PTPRM: variants seen among roughly 807,000 people sequenced by gnomAD.
PTPRM encodes receptor-type tyrosine-protein phosphatase mu.
Under a neutral mutation model 186.7 loss-of-function variants are expected in PTPRM, and 47 were observed. The observed-to-expected ratio is 0.25, with a 90% CI of 0.20 to 0.32. PTPRM has a LOEUF of 0.32. Among genes scored for constraint, PTPRM ranks in the 10% least tolerant of loss-of-function variants. The pLI, the probability that PTPRM is intolerant of heterozygous loss-of-function variation, is 1.00. For missense variants in PTPRM, 1,494 were observed against 1,865.0 expected (o/e 0.80, Z 3.66); for synonymous variants, 668 against 674.9 (o/e 0.99, Z 0.16).
intron 4 of PTPRM, 98 bp from the exon 5 acceptor site, chr18:7,926,470 C>A: frequency 1.3e-6 from 1 of 742,506 alleles, no homozygotes; most frequent in Non-Finnish European, 2.0e-6. Flanking sequence ...CCAAGGTGAA[C>A]AAAATTGAAA....
intron 2 of PTPRM, among the ~76,000 whole-genome samples, chr18:7,870,284 A>G (rs955624168): frequency 3.9e-5 from 6 of 152,074 alleles, no homozygotes; most frequent in African/African-American, 1.5e-4. Flanking sequence ...TTATGCTCCT[A>G]ACTACCCCTG....
rs1340226983 is a variant in PTPRM at position 8,240,643 on chromosome 18, GAGAGAGAGAGAAAGAAAGAAAGAA to G, written c.2301-3411_2301-3388del. Among the ~76,000 whole-genome samples, 15 of 32,614 alleles carry G rather than the reference GAGAGAGAGAGAAAGAAAGAAAGAA, an allele frequency of 4.6e-4. 1 individual carries two copies. Among genetic ancestry groups the G allele is most frequent in the South Asian group, 1.7e-3 (3 of 1,734 alleles). 21.4% of individuals were successfully genotyped at this position (32,614 alleles called of 152,430 possible). On this transcript the variant is annotated intron_variant, in intron 14 of 32. Coordinates refer to ENST00000580170, the MANE Select transcript of PTPRM (RefSeq NM_001105244.2). The stretch of plus-strand genomic sequence containing the variant: ...GGAGAGAGAGAGAGAGAGAGAGAGA[GAGAGAGAGAGAAAGAAAGAAAGAA>G]AGAAAGAAAGAAAAAGAAAGAGAGA...
intron 7 of PTPRM, among the ~76,000 whole-genome samples, chr18:8,023,225 G>A (rs964021692): frequency 6.6e-6 from 1 of 152,170 alleles, no homozygotes; most frequent in African/African-American, 2.4e-5. Flanking sequence ...GAAAAGGGCT[G>A]ATGGCTGGGA....
chr18:8,125,989 A>T (rs1600705260), intron 13 of PTPRM, among the ~76,000 whole-genome samples: 1 of 6,326 alleles, frequency 1.6e-4, no homozygotes, highest in African/African-American at 4.1e-4. Context: ...ATATATATAT[A>T]TATATATATA....
intron 2 of PTPRM, among the ~76,000 whole-genome samples, chr18:7,811,131 C>A (rs770940011): frequency 6.6e-5 from 10 of 152,144 alleles, no homozygotes; most frequent in Admixed American, 1.3e-4. Flanking sequence ...AATAAGGTTT[C>A]ATGGAACAGT....
At chr18:8,176,876 C>G (rs1225923170) in intron 14 of PTPRM, among the ~76,000 whole-genome samples, 1 of 152,250 alleles carries the variant, frequency 6.6e-6, no homozygotes, top group Non-Finnish European at 1.5e-5. Flanking sequence ...ATATCCTTCA[C>G]TCTAGCTTGA....
chr18:7,864,140 G>C (rs970618175), intron 2 of PTPRM, among the ~76,000 whole-genome samples: 1 of 152,146 alleles, frequency 6.6e-6, no homozygotes, highest in Non-Finnish European at 1.5e-5. Context: ...CTTCCATTCT[G>C]TAGGTTGCCT....
intron 14 of PTPRM, among the ~76,000 whole-genome samples, chr18:8,200,152 A>G (rs538712212): frequency 5.3e-5 from 8 of 152,220 alleles, no homozygotes; most frequent in African/African-American, 1.9e-4. Context: ...ATAAACTTCT[A>G]CAGTTACAAG....
chr18:7,770,125 G>T (rs2144883014), intron 1 of PTPRM, among the ~76,000 whole-genome samples: 1 of 152,286 alleles, frequency 6.6e-6, no homozygotes, highest in East Asian at 1.9e-4. Flanking sequence ...GGAGTCTGTT[G>T]CTGACCATAC....
intron 1 of PTPRM, among the ~76,000 whole-genome samples, chr18:7,697,346 AG>A (rs773606258): frequency 2.6e-5 from 4 of 152,172 alleles, no homozygotes; most frequent in Admixed American, 6.5e-5. Context: ...CCTTCAGGAA[AG>A]TTCTCTTGAA....
At chr18:8,043,160 C>A (rs957700507) in intron 7 of PTPRM, among the ~76,000 whole-genome samples, 1 of 152,160 alleles carries the variant, frequency 6.6e-6, no homozygotes, top group Non-Finnish European at 1.5e-5. Flanking sequence ...CCTGTATAGC[C>A]TGTTTTATCT....
intron 7 of PTPRM, among the ~76,000 whole-genome samples, chr18:8,005,965 C>T (rs955456068): frequency 6.6e-6 from 1 of 152,130 alleles, no homozygotes; most frequent in African/African-American, 2.4e-5. Flanking sequence ...TGGAGCTCCA[C>T]GTGTTAAGCG....
chr18:8,099,565 TG>T (rs1194319499), intron 11 of PTPRM, among the ~76,000 whole-genome samples: 160 of 152,256 alleles, frequency 1.1e-3, no homozygotes, highest in African/African-American at 3.8e-3. Context: ...AACAGGCCAA[TG>T]TGTCTTCCGG....
intron 7 of PTPRM, among the ~76,000 whole-genome samples, chr18:7,973,989 G>T (rs1373286493): frequency 2.0e-5 from 3 of 151,722 alleles, no homozygotes; most frequent in African/African-American, 7.3e-5. Context: ...AGACTTGAGG[G>T]GAAGACTCCA....
intron 5 of PTPRM, among the ~76,000 whole-genome samples, chr18:7,930,075 C>G (rs562315934): frequency 1.3e-4 from 20 of 151,928 alleles, no homozygotes; most frequent in Non-Finnish European, 2.8e-4. Flanking sequence ...TAATCATTTA[C>G]AATATTTTTT....
rs1047700891 is a variant in PTPRM at position 7,808,837 on chromosome 18, G to A, written c.196+34566G>A. On this transcript the variant is annotated intron_variant, in intron 2 of 32. Transcript: ENST00000580170. Reference sequence around the variant, plus strand: ...AACTGTCTCCTGAGTTTCCTTCAATGTGTGACTCTAATATTCTATAATATT... The same window carrying A: ...AACTGTCTCCTGAGTTTCCTTCAATATGTGACTCTAATATTCTATAATATT... Among the ~76,000 whole-genome samples the A allele has an allele frequency of 2.6e-5, 4 of 152,140 alleles. No homozygotes were observed. In the East Asian group the frequency reaches 5.8e-4, roughly 22 times the overall value.
At chr18:7,934,023 T>TA (rs2051646459) in intron 5 of PTPRM, among the ~76,000 whole-genome samples, 3 of 152,212 alleles carry the variant, frequency 2.0e-5, no homozygotes, top group Non-Finnish European at 4.4e-5. Flanking sequence ...TCCTAATTCT[T>TA]CCTGTAAAAA....
At chr18:8,186,008 A>T (rs940163188) in intron 14 of PTPRM, among the ~76,000 whole-genome samples, 1 of 152,172 alleles carries the variant, frequency 6.6e-6, no homozygotes, top group African/African-American at 2.4e-5. Flanking sequence ...TTGTGAAGAG[A>T]TAGGAAAGAA....
intron 2 of PTPRM, among the ~76,000 whole-genome samples, chr18:7,850,664 G>A (rs1316098551): frequency 6.6e-6 from 1 of 152,200 alleles, no homozygotes; most frequent in East Asian, 1.9e-4. Flanking sequence ...ATTTCTCACA[G>A]TGACTGAAGC....
Sources: gnomAD v4.1 joint callset for allele counts (sites outside exome capture counted in the v4.1 genomes callset) on GRCh38, gnomAD v4.1.1 for gene constraint, MANE v1.5 for transcripts, NCBI Gene and HGNC (gene_info 2026-07-23, HGNC 2026-07-21) for gene names.